Variants in GALNT11 observed in about 807,000 individuals in gnomAD.
GALNT11 encodes the protein polypeptide N-acetylgalactosaminyltransferase 11.
A neutral mutation model predicts 72.7 loss-of-function variants in GALNT11; 47 were observed. The observed-to-expected ratio is 0.65, with a 90% CI of 0.51 to 0.82. The LOEUF is 0.82. Ranked by LOEUF, GALNT11 falls within the 40% of genes least tolerant of loss-of-function variation. GALNT11 has a pLI of 0.00. For missense variants in GALNT11, 677 were observed against 778.4 expected, an observed-to-expected ratio of 0.87 and a Z score of 1.55; for synonymous variants, 270 against 286.6, an observed-to-expected ratio of 0.94 and a Z score of 0.58.
intron 2 of GALNT11, among the ~76,000 whole-genome samples, chr7:152,100,435 A>C (rs574814714): frequency 1.3e-5 from 2 of 152,010 alleles, no homozygotes; most frequent in East Asian, 3.9e-4. Flanking sequence ...GCGTGGTGGC[A>C]TTTGCCTGTA....
chr7:152,056,204 C>T (rs2083668503), intron 1 of GALNT11, among the ~76,000 whole-genome samples: 1 of 152,216 alleles, frequency 6.6e-6, no homozygotes, highest in Admixed American at 6.6e-5. Context: ...GCCCCAGCAT[C>T]ACAGAACAGG....
At chr7:152,112,341 C>T (rs2088317139) in intron 7 of GALNT11, among the ~76,000 whole-genome samples, 1 of 152,098 alleles carries the variant, frequency 6.6e-6, no homozygotes. Flanking sequence ...GAGTTCAAGA[C>T]CAGCCTGGCC....
chr7:152,115,529 G>C (rs2088747719), intron 8 of GALNT11, among the ~76,000 whole-genome samples: 1 of 152,218 alleles, frequency 6.6e-6, no homozygotes, highest in African/African-American at 2.4e-5. Context: ...CACTTGTGCA[G>C]TTGTTTGAGT....
chr7:152,061,171 T>C (rs2128998727), intron 1 of GALNT11, among the ~76,000 whole-genome samples: 1 of 152,322 alleles, frequency 6.6e-6, no homozygotes, highest in African/African-American at 2.4e-5. Context: ...CCATTCTAAT[T>C]GGTGTGAGAT....
chr7:152,117,384 G>C lies in GALNT11; in HGVS notation c.1452+9G>C, dbSNP rs749982781. The C allele has an allele frequency of 1.2e-6, 2 of 1,613,440 alleles. No individual in the cohort carries two copies. The highest frequency in any genetic ancestry group is 1.6e-4 in the Middle Eastern group (1 of 6,076). ...TCCTTCAACGTGGAAGGGTAAGAAA[G>C]CTGTTTTTTCCAAGTGGCTTATGAA... On this transcript the variant is annotated intron_variant, in intron 9 of 11. Transcript: ENST00000430044.
At chr7:152,073,072 T>C (rs2084752893) in intron 1 of GALNT11, among the ~76,000 whole-genome samples, 1 of 152,254 alleles carries the variant, frequency 6.6e-6, no homozygotes, top group Non-Finnish European at 1.5e-5. Context: ...GTGATGTTTC[T>C]ATATACGTAA....
intron 1 of GALNT11, among the ~76,000 whole-genome samples, chr7:152,073,717 A>G (rs1224981525): frequency 6.6e-6 from 1 of 152,120 alleles, no homozygotes; most frequent in African/African-American, 2.4e-5. Context: ...GAGCCTCTAT[A>G]CTGTTTTCCA....
chr7:152,092,053 G>T (rs1278243114), intron 1 of GALNT11, among the ~76,000 whole-genome samples: 2 of 152,128 alleles, frequency 1.3e-5, no homozygotes, highest in African/African-American at 4.8e-5. Flanking sequence ...GATGAAGAAG[G>T]GGTTGGCTCC....
intron 3 of GALNT11, among the ~76,000 whole-genome samples, chr7:152,101,933 G>T (rs1278870314): frequency 6.6e-6 from 1 of 152,038 alleles, no homozygotes. Context: ...CGCCTGGCCA[G>T]TTCATGGCTT....
chr7:152,113,548 C>G, intron 8 of GALNT11, 150 bp downstream of exon 8: 7 of 802,682 alleles, frequency 8.7e-6, no homozygotes, highest in Non-Finnish European at 1.3e-5. Context: ...CCCCCCACCC[C>G]CTTCACCTAG....
intron 1 of GALNT11, among the ~76,000 whole-genome samples, chr7:152,048,658 TAG>T (rs969441501): frequency 6.6e-6 from 1 of 151,598 alleles, no homozygotes; most frequent in Non-Finnish European, 1.5e-5. Flanking sequence ...GCCTCCAGAG[TAG>T]CTGGGACTAC....
At chr7:152,072,726 T>C (rs911292697) in intron 1 of GALNT11, among the ~76,000 whole-genome samples, 1 of 152,264 alleles carries the variant, frequency 6.6e-6, no homozygotes, top group African/African-American at 2.4e-5. Flanking sequence ...AGTTTTGAAC[T>C]GTTAGCCAAT....
At chr7:152,085,317 C>T (rs1035214466) in intron 1 of GALNT11, among the ~76,000 whole-genome samples, 4 of 152,200 alleles carry the variant, frequency 2.6e-5, no homozygotes, top group African/African-American at 9.6e-5. Flanking sequence ...AAGTTCACAA[C>T]TGGTTAGCCT....
chr7:152,037,494 G>A (rs939496865), intron 1 of GALNT11, among the ~76,000 whole-genome samples: 3 of 152,106 alleles, frequency 2.0e-5, no homozygotes, highest in African/African-American at 7.2e-5. Flanking sequence ...GTTGTAATTT[G>A]GGGTTAGATA....
chr7:152,083,472 T>G (rs1056893730), intron 1 of GALNT11, among the ~76,000 whole-genome samples: 2 of 152,190 alleles, frequency 1.3e-5, no homozygotes, highest in African/African-American at 4.8e-5. Context: ...CTAAATTTAT[T>G]TATAGCAAAC....
chr7:152,121,053 A>T, intron 11 of GALNT11, 85 bp downstream of exon 11: 1 of 1,500,136 alleles, frequency 6.7e-7, no homozygotes, highest in Non-Finnish European at 8.9e-7. Flanking sequence ...CTCATTTTCT[A>T]CCTTGGGGGT....
intron 1 of GALNT11, among the ~76,000 whole-genome samples, chr7:152,054,374 C>T (rs2083546204): frequency 6.7e-6 from 1 of 148,340 alleles, no homozygotes; most frequent in African/African-American, 2.5e-5. Flanking sequence ...GTAAAAAGGT[C>T]TACCTCACTT....
chr7:152,117,558 T>C, intron 9 of GALNT11, 183 bp downstream of exon 9: 2 of 637,304 alleles, frequency 3.1e-6, no homozygotes, highest in East Asian at 5.5e-5. Context: ...ACCTCAAGTG[T>C]AGATCCTTGC....
At position 152,069,349 on chromosome 7, in the gene GALNT11, T is replaced by C. The variant is rs1239586864; in HGVS notation, c.-38-24841T>C. ...ATGTGTTTTATGGTCCAGAATGTGG[T>C]CTATATTGGTGAATGTGAGCTAGAG... On this transcript the variant is annotated intron_variant, in intron 1 of 11. Transcript: ENST00000430044. Among the ~76,000 whole-genome samples the C allele has an allele frequency of 2.6e-5, 4 of 152,192 alleles. No homozygotes were observed. In the East Asian group the frequency reaches 7.7e-4, roughly 29 times the overall value.
Sources: allele counts gnomAD v4.1 joint callset (sites outside exome capture counted in the v4.1 genomes callset), GRCh38; gene constraint gnomAD v4.1.1; transcripts MANE v1.5; gene names NCBI Gene and HGNC (gene_info 2026-07-23, HGNC 2026-07-21).